Variants in FEZ2 observed in about 807,000 individuals in gnomAD.
FEZ2 encodes the protein fasciculation and elongation protein zeta-2.
In FEZ2, 51 loss-of-function variants were observed where a neutral mutation model predicts 40.4. The ratio of observed to expected loss-of-function variants is 1.26; its 90% CI spans 1.01 to 1.59. FEZ2 has a LOEUF of 1.59. FEZ2 is among the 40% of genes most tolerant of loss of function. FEZ2 has a pLI of 0.00. For synonymous variants in FEZ2, 242 were observed against 172.0 expected (o/e 1.41, Z -3.18); for missense variants, 640 against 438.3 (o/e 1.46, Z -4.11).
intron 5 of FEZ2, chr2:36,559,293 G>C (rs1391413444): frequency 6.6e-6 from 1 of 152,146 alleles, no homozygotes; most frequent in East Asian, 1.9e-4. Context: ...TGATTGTCCA[G>C]ATTTTCCTGT....
chr2:36,597,109 T>C (rs1669247596), intron 1 of FEZ2, among the ~76,000 whole-genome samples: 1 of 152,052 alleles, frequency 6.6e-6, no homozygotes, highest in African/African-American at 2.4e-5. Context: ...GCAGGGCCCT[T>C]CGTTTTCGTC....
intron 5 of FEZ2, among the ~76,000 whole-genome samples, chr2:36,570,577 T>G (rs1293791487): frequency 3.9e-5 from 6 of 152,192 alleles, no homozygotes; most frequent in Admixed American, 3.9e-4. Flanking sequence ...TGAGGATACA[T>G]TCTAAGAAAT....
intron 7 of FEZ2, chr2:36,554,353 A>C (rs2125216012): frequency 2.1e-6 from 1 of 470,378 alleles, no homozygotes; most frequent in Non-Finnish European, 4.4e-6. Context: ...GTTAAATGCT[A>C]AAATAGCTAG....
At chr2:36,562,058 T>G (rs1668107449) in intron 5 of FEZ2, among the ~76,000 whole-genome samples, 1 of 152,224 alleles carries the variant, frequency 6.6e-6, no homozygotes, top group Non-Finnish European at 1.5e-5. Flanking sequence ...CTCTCATGAC[T>G]TACAGTGAAA....
At chr2:36,555,579 A>T (rs1167034737) in intron 7 of FEZ2, 104 bp downstream of exon 7, 1 of 558,216 alleles carries the variant, frequency 1.8e-6, no homozygotes, top group African/African-American at 1.9e-5. Flanking sequence ...GATTAATGAA[A>T]GTTGTGCATT....
intron 3 of FEZ2, among the ~76,000 whole-genome samples, chr2:36,582,110 T>G (rs1055088158): frequency 6.6e-6 from 1 of 152,152 alleles, no homozygotes; most frequent in African/African-American, 2.4e-5. Context: ...GCTCAAATCT[T>G]ACAACAGTAT....
chr2:36,566,971 C>A (rs530230592), intron 5 of FEZ2, among the ~76,000 whole-genome samples: 4 of 152,134 alleles, frequency 2.6e-5, no homozygotes, highest in South Asian at 4.1e-4. Context: ...CTCTCTCTCT[C>A]TATAGGACTA....
intron 1 of FEZ2, among the ~76,000 whole-genome samples, chr2:36,596,077 C>T (rs1213271728): frequency 6.6e-6 from 1 of 152,186 alleles, no homozygotes; most frequent in Non-Finnish European, 1.5e-5. Flanking sequence ...ATAAAATTAT[C>T]TTCTCTTTGG....
chr2:36,563,376 G>A (rs1282192731), intron 5 of FEZ2, among the ~76,000 whole-genome samples: 1 of 152,176 alleles, frequency 6.6e-6, no homozygotes, highest in Non-Finnish European at 1.5e-5. Context: ...TGAGTCAGTG[G>A]CTGCAGCTGA....
At chr2:36,579,544 G>A (rs1668673520) in intron 4 of FEZ2, among the ~76,000 whole-genome samples, 1 of 151,918 alleles carries the variant, frequency 6.6e-6, no homozygotes, top group African/African-American at 2.4e-5. Context: ...AAAGTGTGTG[G>A]CACTCCCCCC....
chr2:36,571,719 A>G (rs1248766696), intron 5 of FEZ2, among the ~76,000 whole-genome samples: 1 of 151,662 alleles, frequency 6.6e-6, no homozygotes, highest in African/African-American at 2.4e-5. Context: ...GATAAAGGGG[A>G]AAAAGGCTGG....
At chr2:36,553,393 AC>A (rs1281182416) in intron 7 of FEZ2, among the ~76,000 whole-genome samples, 1 of 152,192 alleles carries the variant, frequency 6.6e-6, no homozygotes, top group African/African-American at 2.4e-5. Flanking sequence ...GAAATGAGAT[AC>A]CAAAAGGCCA....
chr2:36,593,390 T>A (rs1178101910), intron 1 of FEZ2, among the ~76,000 whole-genome samples: 1 of 152,006 alleles, frequency 6.6e-6, no homozygotes, highest in Non-Finnish European at 1.5e-5. Flanking sequence ...CTAGCAGAGG[T>A]TCTCCATGAG....
intron 5 of FEZ2, among the ~76,000 whole-genome samples, chr2:36,567,300 A>G (rs1668273268): frequency 6.6e-6 from 1 of 152,180 alleles, no homozygotes; most frequent in Admixed American, 6.5e-5. Flanking sequence ...TGGAGTATGA[A>G]CAGAATAAAG....
Position 36,598,033 on chromosome 2 carries a change from C to A in FEZ2, c.110G>T (p.Gly37Val). ...NASPEPGAEA[G>V]AEAGGGADGF... is the part of the protein sequence containing the mutation. ...GTCGGCGCCCCCACCCGCCTCGGCCCCCGCCTCCGCCCCAGGCTCGGGGCT... is the reference window on the plus strand; with the variant it reads ...GTCGGCGCCCCCACCCGCCTCGGCCACCGCCTCCGCCCCAGGCTCGGGGCT... Residue 37 changes from glycine to valine, a missense_variant, in exon 1 of 8, where the codon GGG becomes GTG. By Grantham distance (109) the Gly-to-Val change is moderately radical. Coordinates refer to ENST00000405912, the MANE Select transcript of FEZ2 (RefSeq NM_005102.3). 6.7e-7 allele frequency: 1 copy of A among 1,502,222 alleles called. No homozygotes were observed. The highest frequency in any genetic ancestry group is 1.2e-5 in the South Asian group (1 of 81,242). 93.1% of individuals were successfully genotyped at this position (1,502,222 alleles called of 1,614,324 possible).
At chr2:36,595,086 C>T (rs1461515797) in intron 1 of FEZ2, among the ~76,000 whole-genome samples, 2 of 152,164 alleles carry the variant, frequency 1.3e-5, no homozygotes, top group Non-Finnish European at 2.9e-5. Flanking sequence ...ACATCGAATC[C>T]TGCAGAATAC....
chr2:36,565,050 G>C (rs79705976), intron 5 of FEZ2, among the ~76,000 whole-genome samples: 2,095 of 152,232 alleles, frequency 0.014, 52 homozygotes, highest in African/African-American at 0.048. Context: ...TTTGGGGAAG[G>C]GGCACATGTG....
At chr2:36,583,004 A>C (rs1028149835) in intron 3 of FEZ2, among the ~76,000 whole-genome samples, 1 of 152,200 alleles carries the variant, frequency 6.6e-6, no homozygotes, top group Admixed American at 6.5e-5. Flanking sequence ...ATACTAAATA[A>C]TTTCTACACA....
chr2:36,582,222 A>G (rs1223326988), intron 3 of FEZ2, among the ~76,000 whole-genome samples: 1 of 127,694 alleles, frequency 7.8e-6, no homozygotes, highest in Admixed American at 7.5e-5. Context: ...AAAAGGACCT[A>G]AAGTTAAAAA....
Sources: gnomAD v4.1 joint callset for allele counts (sites outside exome capture counted in the v4.1 genomes callset) on GRCh38, gnomAD v4.1.1 for gene constraint, MANE v1.5 for transcripts, NCBI Gene and HGNC (gene_info 2026-07-23, HGNC 2026-07-21) for gene names.